Variants in RPUSD2 observed in about 807,000 individuals in gnomAD.
RPUSD2 encodes pseudouridylate synthase RPUSD2.
A neutral mutation model predicts 41.5 loss-of-function variants in RPUSD2; 31 were observed. The observed-to-expected ratio is 0.75, with a 90% confidence interval of 0.56 to 1.01. The LOEUF (loss-of-function observed/expected upper bound fraction) is 1.01. RPUSD2 is among the 50% of genes least tolerant of loss of function. RPUSD2 has a pLI of 0.00. For missense variants in RPUSD2, 749 were observed against 724.7 expected, an observed-to-expected ratio of 1.03 and a Z score of -0.38; for synonymous variants, 305 against 289.7, an observed-to-expected ratio of 1.05 and a Z score of -0.54.
Position 40,569,704 on chromosome 15 carries a change from TTC to T in RPUSD2, c.368_369del (p.Phe123TrpfsTer3). The T allele has an allele frequency of 1.3e-6, 2 of 1,579,150 alleles. No homozygotes were observed. Among genetic ancestry groups the T allele is most frequent in the Non-Finnish European group, 1.7e-6 (2 of 1,161,432 alleles). On this transcript the variant is annotated frameshift_variant, in exon 1 of 3. Transcript: ENST00000315616. LOFTEE classifies it high-confidence loss of function. ...PPKKRRTGVSFGDEHFAETSY... is the reference protein window; with the variant it reads ...PPKKRRTGVSXGDEHFAETSY... Reference sequence around the variant, plus strand: ...GAAGAAGCGGCGGACCGGGGTGAGCTTCGGAGATGAGCACTTTGCAGAAACCA... The same window carrying T: ...GAAGAAGCGGCGGACCGGGGTGAGCTGGAGATGAGCACTTTGCAGAAACCA...
At position 40,569,444 on chromosome 15, in the gene RPUSD2, C is replaced by T. The variant is rs370806313; in HGVS notation, c.107C>T (p.Ala36Val). ...TGGAGTGGCGATAAGGGCCCAATGG[C>T]AGAAACAGTGTCTACCCAGGTTGGG... ...RTWSGDKGPMAETVSTQVGTE... is the reference protein window; with the variant it reads ...RTWSGDKGPMVETVSTQVGTE... Residue 36 changes from alanine (A) to valine (V), a missense_variant, in exon 1 of 3, where the codon GCA becomes GTA. Physicochemically the swap from Ala to Val is moderately conservative, Grantham distance 64 (BLOSUM62 0). Coordinates refer to ENST00000315616, the MANE Select transcript of RPUSD2 (RefSeq NM_152260.3). 10 of 1,569,502 alleles carry T rather than the reference C, an allele frequency of 6.4e-6. No homozygotes were observed. The highest frequency in any genetic ancestry group is 1.2e-5 in the South Asian group (1 of 83,362).
At position 40,569,959 on chromosome 15, in the gene RPUSD2, G is replaced by A. The variant is rs774254695; in HGVS notation, c.606+16G>A. ...CGTGCTCAAGGTGGAGTCCTGATGG[G>A]GCTGGCCAGAAGCGGGCGAGGAAAA... On this transcript the variant is annotated intron_variant, in intron 1 of 2. Coordinates refer to ENST00000315616, the MANE Select transcript of RPUSD2 (RefSeq NM_152260.3). 1 of 1,508,280 alleles carries A rather than the reference G, an allele frequency of 6.6e-7. No individual in the cohort carries two copies. The highest frequency in any genetic ancestry group is 1.3e-5 in the South Asian group (1 of 79,840). 93.4% of individuals were successfully genotyped at this position (1,508,280 alleles called of 1,614,324 possible).
At position 40,574,313 on chromosome 15, in the gene RPUSD2, T is replaced by TA; in HGVS notation, c.*53dup. 1 of 1,568,564 alleles carries TA rather than the reference T, an allele frequency of 6.4e-7. No individual in the cohort carries two copies. The highest frequency in any genetic ancestry group is 8.6e-7 in the Non-Finnish European group (1 of 1,160,270). On this transcript the variant is annotated 3_prime_UTR_variant, in exon 3 of 3. Transcript: ENST00000315616. The stretch of plus-strand genomic sequence containing the variant: ...CTTGGGTTGTGACAAGGATGGGCTA[T>TA]AGGGCAAGGGCTGACCCCATGGGCT...
intron 1 of RPUSD2, among the ~76,000 whole-genome samples, chr15:40,571,333 A>G (rs1389100723): frequency 6.6e-6 from 1 of 152,234 alleles, no homozygotes; most frequent in East Asian, 1.9e-4. Flanking sequence ...ACAATTAGCA[A>G]AGCCAAAAAA....
intron 2 of RPUSD2, among the ~76,000 whole-genome samples, chr15:40,572,374 A>C (rs1891161389): frequency 6.6e-6 from 1 of 152,124 alleles, no homozygotes; most frequent in Non-Finnish European, 1.5e-5. Flanking sequence ...CATCCTGGCT[A>C]ACACGGTGAA....
At position 40,569,401 on chromosome 15, in the gene RPUSD2, C is replaced by T; in HGVS notation, c.64C>T (p.Pro22Ser). ...ACATTGGCGCTACGACCTTAGGCGC[C>T]CTAGCTTTACCAGGACTTGGAGTGG... is the stretch of plus-strand genomic sequence containing the variant. The part of the protein sequence containing the change: ...LGHWRYDLRR[P>S]SFTRTWSGDK... Residue 22 changes from proline (P) to serine (S), a missense_variant, in exon 1 of 3, where the codon CCT becomes TCT. Transcript: ENST00000315616. The T allele has an allele frequency of 6.5e-7, 1 of 1,533,184 alleles. No homozygotes were observed. The allele number at this position is 1,533,184 out of a possible 1,614,324, so 95.0% of individuals were successfully genotyped here.
intron 1 of RPUSD2, among the ~76,000 whole-genome samples, chr15:40,570,490 T>A (rs999546380): frequency 5.9e-5 from 9 of 152,330 alleles, no homozygotes; most frequent in African/African-American, 1.2e-4. Flanking sequence ...AACTACTACT[T>A]AAACTATTTA....
In RPUSD2 at chr15:40,573,862, G is replaced by T. The variant is rs1265673798; in HGVS notation, c.1239G>T (p.Arg413=). Residue 413 remains arginine (R), a synonymous_variant, in exon 3 of 3, where the codon CGG becomes CGT. Transcript: ENST00000315616. The stretch of plus-strand genomic sequence containing the variant: ...CCAAGACAAACGAGGAGTTGCTACG[G>T]GACCTGGTAGCAGAGCACCAGGCCA... ...YIPKTNEELL[R]DLVAEHQAKQ... 1 of 1,614,026 alleles carries T rather than the reference G, an allele frequency of 6.2e-7. No individual in the cohort carries two copies. The highest frequency in any genetic ancestry group is 8.5e-7 in the Non-Finnish European group (1 of 1,180,028).
Position 40,574,185 on chromosome 15 carries a change from T to TA in RPUSD2, c.1563dup (p.Arg522ThrfsTer3). 3.7e-6 allele frequency: 6 copies of TA among 1,614,032 alleles called. No individual in the cohort carries two copies. Among genetic ancestry groups the TA allele is most frequent in the Non-Finnish European group, 5.1e-6 (6 of 1,180,028 alleles). Reference sequence around the variant, plus strand: ...GACCTTGTGATGTTCCTACATGCCCTACGCTATAAAGGGCCAGGCTTTGAG... The same window carrying TA: ...GACCTTGTGATGTTCCTACATGCCCTAACGCTATAAAGGGCCAGGCTTTGAG... On this transcript the variant is annotated frameshift_variant, in exon 3 of 3. Transcript: ENST00000315616. LOFTEE classifies it high-confidence loss of function.
In RPUSD2 at chr15:40,574,395, T is replaced by C; in HGVS notation, c.*134T>C. On this transcript the variant is annotated 3_prime_UTR_variant, in exon 3 of 3. Coordinates refer to ENST00000315616, the MANE Select transcript of RPUSD2 (RefSeq NM_152260.3). The stretch of plus-strand genomic sequence containing the variant: ...GGCTTCTAAAGAGACCTGCTCATAC[T>C]TGCTACCTCCTTCCAGTGGGAATTT... 2 of 1,023,446 alleles carry C rather than the reference T, an allele frequency of 2.0e-6. No homozygotes were observed. The highest frequency in any genetic ancestry group is 2.8e-6 in the Non-Finnish European group (2 of 726,530). 63.4% of individuals were successfully genotyped at this position (1,023,446 alleles called of 1,614,324 possible). A position where few individuals can be genotyped will look rare whatever the true frequency, so the allele number is the denominator to read the frequency against.
Position 40,574,480 on chromosome 15 carries a change from T to C in RPUSD2, c.*219T>C, listed in dbSNP as rs910073801. 2 of 453,146 alleles carry C rather than the reference T, an allele frequency of 4.4e-6. No individual in the cohort carries two copies. Among genetic ancestry groups the C allele is most frequent in the South Asian group, 8.0e-5 (2 of 25,136 alleles). The allele number at this position is 453,146 out of a possible 1,614,324, so 28.1% of individuals were successfully genotyped here. The stretch of plus-strand genomic sequence containing the variant: ...CTAACATCTTTGATGTCTGGTTTTC[T>C]TCCGGCTTCTTTTTTATTACTGATG... On this transcript the variant is annotated 3_prime_UTR_variant, in exon 3 of 3. Transcript: ENST00000315616.
At chr15:40,572,268 A>AC (rs1404279940) in intron 2 of RPUSD2, among the ~76,000 whole-genome samples, 1 of 151,396 alleles carries the variant, frequency 6.6e-6, no homozygotes, top group Non-Finnish European at 1.5e-5. Context: ...TCTCTACAAA[A>AC]AAAAAAAAAA....
chr15:40,569,489 C>T lies in RPUSD2; in HGVS notation c.152C>T (p.Ala51Val). Residue 51 changes from alanine to valine, a missense_variant, in exon 1 of 3, where the codon GCT becomes GTT. Coordinates refer to ENST00000315616, the MANE Select transcript of RPUSD2 (RefSeq NM_152260.3). ...GTTGGGACAGAGGGCGGGCTGAGGG[C>T]TTCGCATCAGCAAAACGGTGACGCT... is the stretch of plus-strand genomic sequence containing the variant. ...TQVGTEGGLR[A>V]SHQQNGDAGG... The T allele has an allele frequency of 6.4e-7, 1 of 1,562,624 alleles. No homozygotes were observed.
Position 40,569,783 on chromosome 15 carries a change from TC to T in RPUSD2, c.448del (p.Arg150GlyfsTer77). 6.2e-7 allele frequency: 1 copy of T among 1,612,632 alleles called. No homozygotes were observed. ...LRKVRPYYFD[F>X]RTYCKGRWVG... ...AAGGTGCGGCCCTATTACTTTGACT[TC>T]CGGACCTACTGCAAAGGTCGCTGGG... On this transcript the variant is annotated frameshift_variant, in exon 1 of 3. Coordinates refer to ENST00000315616, the MANE Select transcript of RPUSD2 (RefSeq NM_152260.3). LOFTEE classifies it high-confidence loss of function.
In RPUSD2 at chr15:40,569,814, C is replaced by G. The variant is rs760191853; in HGVS notation, c.477C>G (p.Gly159=). ...CCTACTGCAAAGGTCGCTGGGTGGGCCACAGCTTGCTGCACGTCTTCAGTA... is the reference window on the plus strand; with the variant it reads ...CCTACTGCAAAGGTCGCTGGGTGGGGCACAGCTTGCTGCACGTCTTCAGTA... ...FRTYCKGRWV[G]HSLLHVFSTE... The change falls in exon 1 of 3, where the codon GGC becomes GGG. Residue 159 remains glycine (G), a synonymous_variant. Transcript: ENST00000315616. The G allele has an allele frequency of 6.8e-6, 11 of 1,613,416 alleles. No homozygotes were observed. In the South Asian group the frequency reaches 1.2e-4, roughly 18 times the overall value.
At chr15:40,569,984 A>G (rs1030474166) in intron 1 of RPUSD2, 41 bp downstream of exon 1, 28 of 1,104,900 alleles carry the variant, frequency 2.5e-5, no homozygotes, top group Non-Finnish European at 3.4e-5. Context: ...GGCGAGGAAA[A>G]GGGGCCGGGT....
In RPUSD2 at chr15:40,571,004, T is replaced by G. The variant is rs537202451; in HGVS notation, c.607-600T>G. On this transcript the variant is annotated intron_variant, in intron 1 of 2. Coordinates refer to ENST00000315616, the MANE Select transcript of RPUSD2 (RefSeq NM_152260.3). Reference sequence around the variant, plus strand: ...TTTTACCTTGATTATTTATTTTTTTTTTTTTTGAGACAGAGTCTTGCTCTG... The same window carrying G: ...TTTTACCTTGATTATTTATTTTTTTGTTTTTTGAGACAGAGTCTTGCTCTG... Among the ~76,000 whole-genome samples, 397 of 152,190 alleles carry G rather than the reference T, an allele frequency of 2.6e-3. 1 individual carries two copies. The highest frequency in any genetic ancestry group is 9.2e-3 in the African/African-American group (381 of 41,536).
chr15:40,569,973 G>A (rs1181923094), intron 1 of RPUSD2, 30 bp downstream of exon 1: 9 of 1,489,380 alleles, frequency 6.0e-6, no homozygotes, highest in Non-Finnish European at 8.0e-6. Context: ...GGCCAGAAGC[G>A]GGCGAGGAAA....
At position 40,574,187 on chromosome 15, in the gene RPUSD2, C is replaced by T. The variant is rs538378995; in HGVS notation, c.1564C>T (p.Arg522Cys). 8.1e-6 allele frequency: 13 copies of T among 1,613,940 alleles called. No individual in the cohort carries two copies. Among genetic ancestry groups the T allele is most frequent in the South Asian group, 7.7e-5 (7 of 91,068 alleles). Reference sequence around the variant, plus strand: ...CCTTGTGATGTTCCTACATGCCCTACGCTATAAAGGGCCAGGCTTTGAGTA... The same window carrying T: ...CCTTGTGATGTTCCTACATGCCCTATGCTATAAAGGGCCAGGCTTTGAGTA... ...QDLVMFLHAL[R>C]YKGPGFEYFS... Residue 522 changes from arginine (R) to cysteine (C), a missense_variant, in exon 3 of 3, where the codon CGC becomes TGC. Transcript: ENST00000315616.
Sources: allele counts gnomAD v4.1 joint callset (sites outside exome capture counted in the v4.1 genomes callset), GRCh38; gene constraint gnomAD v4.1.1; transcripts MANE v1.5; gene names NCBI Gene and HGNC (gene_info 2026-07-23, HGNC 2026-07-21).